Variants in FER observed in about 807,000 individuals in gnomAD.
FER encodes tyrosine-protein kinase Fer.
Under a neutral mutation model 111.0 loss-of-function variants are expected in FER, and 63 were observed. That is an observed-to-expected ratio of 0.57 (90% CI 0.46 to 0.70). The LOEUF is 0.70. Ranked by LOEUF, FER falls within the 30% of genes least tolerant of loss-of-function variation. The pLI, the probability that FER is intolerant of heterozygous loss-of-function variation, is 0.00. For synonymous variants in FER, 327 were observed against 313.9 expected, an observed-to-expected ratio of 1.04 and a Z score of -0.44; for missense variants, 914 against 954.0, an observed-to-expected ratio of 0.96 and a Z score of 0.55.
intron 10 of FER, among the ~76,000 whole-genome samples, chr5:108,920,680 T>C (rs1417473402): frequency 6.6e-6 from 1 of 152,182 alleles, no homozygotes; most frequent in African/African-American, 2.4e-5. Context: ...CCTGGTAAAT[T>C]CACCATAAAT....
intron 16 of FER, among the ~76,000 whole-genome samples, chr5:109,062,619 A>C (rs1282867930): frequency 6.6e-6 from 1 of 152,100 alleles, no homozygotes; most frequent in Non-Finnish European, 1.5e-5. Flanking sequence ...TATGTGATTA[A>C]ATTAAGACTG....
chr5:108,926,113 G>T (rs1163279544), intron 10 of FER, among the ~76,000 whole-genome samples: 1 of 147,492 alleles, frequency 6.8e-6, no homozygotes, highest in African/African-American at 2.5e-5. Context: ...AACATTTTGT[G>T]CTTTTTATTT....
chr5:109,113,666 G>A (rs1194836035), intron 17 of FER, among the ~76,000 whole-genome samples: 6 of 152,140 alleles, frequency 3.9e-5, no homozygotes, highest in African/African-American at 1.4e-4. Flanking sequence ...TCATGTTGAG[G>A]TATTATCCCC....
intron 16 of FER, among the ~76,000 whole-genome samples, chr5:109,087,039 T>C (rs1189226044): frequency 1.3e-5 from 2 of 149,754 alleles, no homozygotes; most frequent in African/African-American, 2.5e-5. Context: ...CTGAATTCTC[T>C]CTTTAAAGAA....
At chr5:108,948,681 G>T (rs1264734629) in intron 11 of FER, among the ~76,000 whole-genome samples, 1 of 152,008 alleles carries the variant, frequency 6.6e-6, no homozygotes, top group Admixed American at 6.6e-5. Context: ...AATGAGATCT[G>T]TTCCAGTCAT....
At chr5:109,108,835 A>T (rs1749260438) in intron 17 of FER, among the ~76,000 whole-genome samples, 1 of 152,178 alleles carries the variant, frequency 6.6e-6, no homozygotes, top group Non-Finnish European at 1.5e-5. Context: ...CTGGCCTCCA[A>T]GGCAGGATTG....
rs543384249 is a variant in FER, at chr5:108,993,358, G to A, written c.1656+34011G>A. On this transcript the variant is annotated intron_variant, in intron 13 of 19. Coordinates refer to ENST00000281092, the MANE Select transcript of FER (RefSeq NM_005246.4). ...TAGAGACCAGCCCGGCCAACACAGC[G>A]AAACCCCGTCTCCACCAAAAAAATA... 5.1e-4 allele frequency among the ~76,000 whole-genome samples: 77 copies of A among 152,328 alleles called. 3 individuals carry two copies. The East Asian group carries it at 0.013, about 26-fold the overall frequency.
In FER at chr5:109,118,249, A is replaced by G. The variant is rs556210179; in HGVS notation, c.2048+17730A>G. 8.5e-5 allele frequency among the ~76,000 whole-genome samples: 13 copies of G among 152,224 alleles called. No homozygotes were observed. The South Asian group carries it at 2.1e-3, about 24-fold the overall frequency. On this transcript the variant is annotated intron_variant, in intron 17 of 19. Coordinates refer to ENST00000281092, the MANE Select transcript of FER (RefSeq NM_005246.4). ...GAATTTTGTCAAAGGCCTTTTCTTC[A>G]TCTATTGAGATAATCATATGGTTTT...
intron 16 of FER, among the ~76,000 whole-genome samples, chr5:109,095,241 T>A (rs1747354371): frequency 6.6e-6 from 1 of 152,130 alleles, no homozygotes; most frequent in South Asian, 2.1e-4. Context: ...GGTAGCAAGC[T>A]GTTCAGGAAG....
intron 8 of FER, among the ~76,000 whole-genome samples, chr5:108,882,921 A>G (rs1051826026): frequency 6.6e-6 from 1 of 151,946 alleles, no homozygotes; most frequent in Admixed American, 6.6e-5. Flanking sequence ...GAAAATAGAA[A>G]TAGCTTACCA....
intron 2 of FER, among the ~76,000 whole-genome samples, chr5:108,797,037 G>C (rs1756105624): frequency 6.6e-6 from 1 of 151,962 alleles, no homozygotes; most frequent in African/African-American, 2.4e-5. Flanking sequence ...GTACTACCCG[G>C]GTATCACTGC....
At chr5:108,793,963 C>A (rs1755696188) in intron 2 of FER, among the ~76,000 whole-genome samples, 1 of 152,114 alleles carries the variant, frequency 6.6e-6, no homozygotes, top group Non-Finnish European at 1.5e-5. Context: ...CTTATTGTTT[C>A]TATTCATAAC....
At chr5:108,998,183 GA>G (rs915109794) in intron 13 of FER, among the ~76,000 whole-genome samples, 2,853 of 71,418 alleles carry the variant, frequency 0.04, 58 homozygotes, top group African/African-American at 0.09. Flanking sequence ...ACCGGGGTAT[GA>G]AAAAAAAAAA....
intron 17 of FER, among the ~76,000 whole-genome samples, chr5:109,158,278 G>A (rs1755627618): frequency 6.6e-6 from 1 of 151,950 alleles, no homozygotes; most frequent in Non-Finnish European, 1.5e-5. Context: ...CATATACTGG[G>A]GGTCAGAAGT....
At chr5:109,061,313 G>GT (rs996939292) in intron 16 of FER, among the ~76,000 whole-genome samples, 4 of 151,938 alleles carry the variant, frequency 2.6e-5, no homozygotes, top group Admixed American at 6.6e-5. Context: ...TAACCAGCTA[G>GT]TTTTTTTATT....
At position 108,945,096 on chromosome 5, in the gene FER, C is replaced by T. The variant is rs139621656; in HGVS notation, c.1237-1034C>T. On this transcript the variant is annotated intron_variant, in intron 10 of 19. Coordinates refer to ENST00000281092, the MANE Select transcript of FER (RefSeq NM_005246.4). ...TACATTTACTGTTACAGAGATATAC[C>T]CTAGGTATTGGAGACAAAAGAAACA... is the stretch of plus-strand genomic sequence containing the variant. Among the ~76,000 whole-genome samples, 1,266 of 152,048 alleles carry T rather than the reference C, an allele frequency of 8.3e-3. 11 individuals are homozygous for T. Among genetic ancestry groups the T allele is most frequent in the Middle Eastern group, 0.041 (12 of 292 alleles).
chr5:109,121,783 G>A (rs1302090878), intron 17 of FER, among the ~76,000 whole-genome samples: 3 of 151,912 alleles, frequency 2.0e-5, no homozygotes, highest in African/African-American at 7.3e-5. Flanking sequence ...ACTTGTTATT[G>A]GTCTGTTCAG....
chr5:108,894,224 C>G (rs1356064674), intron 9 of FER: 2 of 276,064 alleles, frequency 7.2e-6, no homozygotes, highest in Non-Finnish European at 1.3e-5. Flanking sequence ...TTAAAAAACC[C>G]CACAAAACGA....
At chr5:109,129,331 A>G (rs1302046638) in intron 17 of FER, among the ~76,000 whole-genome samples, 5 of 152,012 alleles carry the variant, frequency 3.3e-5, no homozygotes, top group Admixed American at 6.6e-5. Context: ...ACAAACATAC[A>G]TCTTAATTTT....
Sources: gnomAD v4.1 joint callset for allele counts (sites outside exome capture counted in the v4.1 genomes callset) on GRCh38, gnomAD v4.1.1 for gene constraint, MANE v1.5 for transcripts, NCBI Gene and HGNC (gene_info 2026-07-23, HGNC 2026-07-21) for gene names.